SLC24A3: variants seen among roughly 807,000 people sequenced by gnomAD.
The protein encoded by SLC24A3 is solute carrier family 24 member 3, also known as sodium/potassium/calcium exchanger 3.
In SLC24A3, 28 loss-of-function variants were observed where a neutral mutation model predicts 75.8. The ratio of observed to expected loss-of-function variants is 0.37; its 90% confidence interval spans 0.27 to 0.51. SLC24A3 has a LOEUF of 0.51. Ranked by LOEUF, SLC24A3 falls within the 20% of genes least tolerant of loss-of-function variation. The probability of loss-of-function intolerance (pLI) is 0.94; values close to 1 mark genes in which losing one functional copy is unlikely to be tolerated. For missense variants in SLC24A3, 663 were observed against 847.8 expected (o/e 0.78, Z 2.71); for synonymous variants, 372 against 334.1 (o/e 1.11, Z -1.24).
rs184621933 is a variant in SLC24A3, at chr20:19,301,338, C to T, written c.271+20251C>T. 3.0e-3 allele frequency among the ~76,000 whole-genome samples: 458 copies of T among 152,296 alleles called. 1 individual carries two copies. The highest frequency in any genetic ancestry group is 5.3e-3 in the Non-Finnish European group (360 of 68,026). On this transcript the variant is annotated intron_variant, in intron 2 of 16. Coordinates refer to ENST00000328041, the MANE Select transcript of SLC24A3 (RefSeq NM_020689.4). ...GACAGGCTGGAGCAGGACACCTATC[C>T]AGCTGTTTCAGCTCCTCTTAAGACC...
chr20:19,403,065 C>A (rs1311371172), intron 2 of SLC24A3, among the ~76,000 whole-genome samples: 1 of 152,176 alleles, frequency 6.6e-6, no homozygotes, highest in Non-Finnish European at 1.5e-5. Flanking sequence ...TATATTCCCC[C>A]AGGTAATGTG....
chr20:19,374,574 C>T (rs1006470185), intron 2 of SLC24A3, among the ~76,000 whole-genome samples: 13 of 152,170 alleles, frequency 8.5e-5, no homozygotes, highest in Admixed American at 1.3e-4. Flanking sequence ...GGTTTAACAG[C>T]CCTTTGTAAT....
At chr20:19,553,820 G>C (rs1302986046) in intron 3 of SLC24A3, among the ~76,000 whole-genome samples, 1 of 152,098 alleles carries the variant, frequency 6.6e-6, no homozygotes, top group Non-Finnish European at 1.5e-5. Flanking sequence ...TAAAATATTT[G>C]AGTGCAAAAA....
intron 15 of SLC24A3, among the ~76,000 whole-genome samples, chr20:19,705,763 C>T (rs994381552): frequency 5.3e-5 from 8 of 152,180 alleles, no homozygotes; most frequent in South Asian, 2.1e-4. Context: ...AATTACCATC[C>T]GGATGGCTGT....
At chr20:19,711,216 C>T (rs567791177) in intron 15 of SLC24A3, among the ~76,000 whole-genome samples, 11 of 151,916 alleles carry the variant, frequency 7.2e-5, no homozygotes, top group South Asian at 4.2e-4. Flanking sequence ...TGCAGGCAAA[C>T]GCACACACAC....
At chr20:19,501,190 G>A (rs1988378512) in intron 2 of SLC24A3, among the ~76,000 whole-genome samples, 1 of 152,114 alleles carries the variant, frequency 6.6e-6, no homozygotes, top group Admixed American at 6.5e-5. Flanking sequence ...TAAGAATGAA[G>A]TGAAACTTTT....
chr20:19,476,457 C>T (rs6035352), intron 2 of SLC24A3, among the ~76,000 whole-genome samples: 101,557 of 152,018 alleles, frequency 0.67, 35,021 homozygotes, highest in African/African-American at 0.85. Context: ...TGGTGATGAT[C>T]TTTTAGATCA....
rs58691860 is a variant in SLC24A3, at chr20:19,262,404, C to CAA, written c.143-18534_143-18533dup. Among the ~76,000 whole-genome samples the CAA allele has an allele frequency of 2.8e-3, 215 of 75,538 alleles. 1 individual carries two copies. The highest frequency in any genetic ancestry group is 8.6e-3 in the African/African-American group (160 of 18,636). 49.6% of individuals were successfully genotyped at this position (75,538 alleles called of 152,430 possible). A position where few individuals can be genotyped will look rare whatever the true frequency, so the allele number is the denominator to read the frequency against. ...TGGGCGACAGAGCGAGACTCCGTCT[C>CAA]AAAAAAAAAAAAAAAAAAAAAAGAA... On this transcript the variant is annotated intron_variant, in intron 1 of 16. Coordinates refer to ENST00000328041, the MANE Select transcript of SLC24A3 (RefSeq NM_020689.4).
At chr20:19,597,015 A>G (rs1264183682) in intron 6 of SLC24A3, among the ~76,000 whole-genome samples, 1 of 152,200 alleles carries the variant, frequency 6.6e-6, no homozygotes, top group Non-Finnish European at 1.5e-5. Flanking sequence ...TGAGCTCCTG[A>G]CAAGCCTTAT....
rs1174379242 is a variant in SLC24A3, at chr20:19,719,335, A to G, written c.1786-1656A>G. Among the ~76,000 whole-genome samples the G allele has an allele frequency of 3.9e-5, 6 of 152,220 alleles. No individual in the cohort carries two copies. In the East Asian group the frequency reaches 1.2e-3, roughly 29 times the overall value. On this transcript the variant is annotated intron_variant, in intron 16 of 16. Coordinates refer to ENST00000328041, the MANE Select transcript of SLC24A3 (RefSeq NM_020689.4). ...AAAAAGTGTTATTTTAAGATGAATA[A>G]GATAACAGAATCTTTGTATGCCAAT...
intron 2 of SLC24A3, among the ~76,000 whole-genome samples, chr20:19,449,544 G>A (rs1347405146): frequency 6.6e-6 from 1 of 152,208 alleles, no homozygotes; most frequent in Non-Finnish European, 1.5e-5. Context: ...CAGCCACAGT[G>A]CTCAGCCCAG....
intron 2 of SLC24A3, among the ~76,000 whole-genome samples, chr20:19,360,075 T>C (rs7265616): frequency 0.11 from 17,241 of 152,146 alleles, 2,614 homozygotes; most frequent in African/African-American, 0.35. Context: ...GCCATAGGCA[T>C]GAATGGAAAC....
chr20:19,490,980 G>A (rs1264667964), intron 2 of SLC24A3, among the ~76,000 whole-genome samples: 1 of 152,204 alleles, frequency 6.6e-6, no homozygotes, highest in African/African-American at 2.4e-5. Context: ...TCAGCGAGCA[G>A]AAAGTAATTT....
rs560275051 is a variant in SLC24A3, at chr20:19,530,310, A to G, written c.348+14746A>G. Among the ~76,000 whole-genome samples, 5 of 152,302 alleles carry G rather than the reference A, an allele frequency of 3.3e-5. No homozygotes were observed. In the East Asian group the frequency reaches 9.6e-4, roughly 29 times the overall value. Reference sequence around the variant, plus strand: ...GTACTCACTGGGCAGCAACAGAATCACCGTGCTACTCTGAGTGTCTTGAAA... The same window carrying G: ...GTACTCACTGGGCAGCAACAGAATCGCCGTGCTACTCTGAGTGTCTTGAAA... On this transcript the variant is annotated intron_variant, in intron 3 of 16. Transcript: ENST00000328041.
intron 6 of SLC24A3, among the ~76,000 whole-genome samples, chr20:19,619,578 C>T (rs2031778512): frequency 6.6e-6 from 1 of 152,166 alleles, no homozygotes; most frequent in South Asian, 2.1e-4. Context: ...AAGCAACTGA[C>T]ATTACTGGAG....
chr20:19,283,339 T>C (rs1183926315), intron 2 of SLC24A3: 1 of 152,370 alleles, frequency 6.6e-6, no homozygotes, highest in East Asian at 1.9e-4. Flanking sequence ...GCTGCTGGTA[T>C]AAAATGTCTC....
At chr20:19,344,643 G>A (rs1985347908) in intron 2 of SLC24A3, among the ~76,000 whole-genome samples, 1 of 152,176 alleles carries the variant, frequency 6.6e-6, no homozygotes, top group Admixed American at 6.5e-5. Flanking sequence ...TATACCACAG[G>A]CTTGTCTCCC....
intron 2 of SLC24A3, among the ~76,000 whole-genome samples, chr20:19,301,772 C>T (rs1391802960): frequency 6.6e-6 from 1 of 152,150 alleles, no homozygotes; most frequent in Non-Finnish European, 1.5e-5. Context: ...TTCTAGTTAC[C>T]TTCTGGGCCA....
At chr20:19,620,305 C>T (rs1046876992) in intron 6 of SLC24A3, among the ~76,000 whole-genome samples, 4 of 152,170 alleles carry the variant, frequency 2.6e-5, no homozygotes, top group African/African-American at 7.2e-5. Context: ...TCTTAAGTGT[C>T]TGTGTGTTGT....
Sources: gnomAD v4.1 joint callset for allele counts (sites outside exome capture counted in the v4.1 genomes callset) on GRCh38, gnomAD v4.1.1 for gene constraint, MANE v1.5 for transcripts, NCBI Gene and HGNC (gene_info 2026-07-23, HGNC 2026-07-21) for gene names.